WDR27: variants seen among roughly 807,000 people sequenced by gnomAD.
The protein encoded by WDR27 is WD repeat domain 27.
Under a neutral mutation model 114.4 loss-of-function variants are expected in WDR27, and 100 were observed. The observed-to-expected ratio is 0.87, with a 90% confidence interval of 0.74 to 1.03. The LOEUF is 1.03. WDR27 is among the 50% of genes least tolerant of loss of function. The probability of loss-of-function intolerance (pLI) is 0.00; values close to 1 mark genes in which losing one functional copy is unlikely to be tolerated. For synonymous variants in WDR27, 449 were observed against 423.1 expected, an observed-to-expected ratio of 1.06 and a Z score of -0.75; for missense variants, 1,129 against 1,092.9, an observed-to-expected ratio of 1.03 and a Z score of -0.47.
intron 2 of WDR27, among the ~76,000 whole-genome samples, chr6:169,685,696 G>A (rs1456958757): frequency 2.6e-5 from 4 of 152,102 alleles, no homozygotes; most frequent in Admixed American, 2.6e-4. Flanking sequence ...AAAGAATAAA[G>A]CCTATGTGAT....
chr6:169,693,828 C>G (rs1041664372), intron 1 of WDR27, among the ~76,000 whole-genome samples: 9 of 151,952 alleles, frequency 5.9e-5, no homozygotes, highest in African/African-American at 1.9e-4. Flanking sequence ...AACACAGAAG[C>G]TCCCAACTTC....
At chr6:169,686,018 C>A (rs148603052) in intron 2 of WDR27, among the ~76,000 whole-genome samples, 454 of 152,266 alleles carry the variant, frequency 3.0e-3, no homozygotes, top group African/African-American at 9.3e-3. Context: ...AGAAACCTTA[C>A]AGTTCAGGAG....
chr6:169,651,846 T>G, intron 14 of WDR27, 84 bp downstream of exon 14: 1 of 1,209,938 alleles, frequency 8.3e-7, no homozygotes, highest in Non-Finnish European at 1.2e-6. Flanking sequence ...CCCTCGGGGA[T>G]GTATGTGTGT....
intron 25 of WDR27, among the ~76,000 whole-genome samples, chr6:169,477,240 C>A (rs1787307406): frequency 6.6e-6 from 1 of 152,162 alleles, no homozygotes; most frequent in Non-Finnish European, 1.5e-5. Flanking sequence ...GTTGGCTCTT[C>A]TTTTATTAGG....
intron 21 of WDR27, among the ~76,000 whole-genome samples, chr6:169,623,574 C>G (rs149882832): frequency 4.3e-4 from 65 of 152,294 alleles, no homozygotes; most frequent in African/African-American, 1.4e-3. Flanking sequence ...GCCTGCGTAC[C>G]CACTCACATG....
chr6:169,673,099 G>A (rs867612885), intron 2 of WDR27, among the ~76,000 whole-genome samples: 1 of 152,170 alleles, frequency 6.6e-6, no homozygotes, highest in African/African-American at 2.4e-5. Context: ...AGAGGAGATG[G>A]TGACTGAAGA....
chr6:169,637,443 G>A lies in WDR27; in HGVS notation c.1870-939C>T, dbSNP rs531989590. On this transcript the variant is annotated intron_variant, in intron 18 of 25. Coordinates refer to ENST00000448612, the MANE Select transcript of WDR27 (RefSeq NM_182552.5). The stretch of plus-strand genomic sequence containing the variant: ...GCATGTGGCAAGTGTGTAAGTGTGC[G>A]CATGTGTATGCATCTATCTGCGTGT... Among the ~76,000 whole-genome samples, 17 of 152,368 alleles carry A rather than the reference G, an allele frequency of 1.1e-4. 1 individual carries two copies. Among genetic ancestry groups the A allele is most frequent in the East Asian group, 5.8e-4 (3 of 5,190 alleles).
intron 3 of WDR27, 74 bp downstream of exon 3, chr6:169,672,181 T>C (rs1477330253): frequency 2.7e-6 from 4 of 1,499,288 alleles, no homozygotes; most frequent in Non-Finnish European, 3.6e-6. Context: ...ACCCCTTGGG[T>C]GGTACCAAGT....
chr6:169,563,419 C>T (rs994487408), intron 25 of WDR27, among the ~76,000 whole-genome samples: 1 of 152,206 alleles, frequency 6.6e-6, no homozygotes, highest in Non-Finnish European at 1.5e-5. Context: ...TCAGCTCACA[C>T]CAGTCAGACC....
At chr6:169,493,667 A>T (rs1030912313) in intron 25 of WDR27, among the ~76,000 whole-genome samples, 1 of 152,312 alleles carries the variant, frequency 6.6e-6, no homozygotes, top group Non-Finnish European at 1.5e-5. Flanking sequence ...TCTTAAAGGT[A>T]TTACATATTT....
At chr6:169,540,832 G>A (rs1473087984) in intron 25 of WDR27, among the ~76,000 whole-genome samples, 1 of 152,120 alleles carries the variant, frequency 6.6e-6, no homozygotes, top group African/African-American at 2.4e-5. Flanking sequence ...GCTGAGGCCT[G>A]AGATTTCCCT....
chr6:169,429,983 G>A, the WDR27 span, among the ~76,000 whole-genome samples: 1 of 152,210 alleles, frequency 6.6e-6, no homozygotes, highest in African/African-American at 2.4e-5. Flanking sequence ...TTCGAGTTGT[G>A]TTTCCAGGCC....
At chr6:169,642,081 A>T (rs1209467819) in intron 17 of WDR27, among the ~76,000 whole-genome samples, 2 of 152,194 alleles carry the variant, frequency 1.3e-5, no homozygotes, top group African/African-American at 4.8e-5. Context: ...GTGCTACCTG[A>T]CTGTATGCTC....
At chr6:169,652,553 A>G (rs977884140) in intron 13 of WDR27, among the ~76,000 whole-genome samples, 1 of 152,174 alleles carries the variant, frequency 6.6e-6, no homozygotes, top group African/African-American at 2.4e-5. Context: ...GGCCTAGCCT[A>G]TTTTACATTT....
chr6:169,464,443 T>C (rs774987675), intron 25 of WDR27, among the ~76,000 whole-genome samples: 5 of 152,126 alleles, frequency 3.3e-5, no homozygotes, highest in Non-Finnish European at 5.9e-5. Context: ...GAATAAAATA[T>C]AGACAAACAG....
At chr6:169,428,606 G>GA in the WDR27 span, among the ~76,000 whole-genome samples, 1 of 147,824 alleles carries the variant, frequency 6.8e-6, no homozygotes, top group Non-Finnish European at 1.5e-5. Context: ...GTGGCGGGGG[G>GA]GAGGGGGGGG....
At chr6:169,537,141 C>T (rs16888119) in intron 25 of WDR27, among the ~76,000 whole-genome samples, 12,002 of 152,158 alleles carry the variant, frequency 0.079, 799 homozygotes, top group South Asian at 0.27. Context: ...CTTCAAGTGC[C>T]CCTTGGTATT....
the WDR27 span, among the ~76,000 whole-genome samples, chr6:169,429,111 C>T: frequency 3.7e-4 from 56 of 152,132 alleles, no homozygotes; most frequent in Admixed American, 2.6e-4. Context: ...GCGTCCTTCA[C>T]CCTTGTTTTC....
chr6:169,557,141 T>C (rs1296959117), intron 25 of WDR27, among the ~76,000 whole-genome samples: 1 of 152,110 alleles, frequency 6.6e-6, no homozygotes, highest in Non-Finnish European at 1.5e-5. Flanking sequence ...ACTGGAAACA[T>C]CAAAAGATCC....
Sources: gnomAD v4.1 joint callset for allele counts (sites outside exome capture counted in the v4.1 genomes callset) on GRCh38, gnomAD v4.1.1 for gene constraint, MANE v1.5 for transcripts, NCBI Gene and HGNC (gene_info 2026-07-23, HGNC 2026-07-21) for gene names.